Variants in NUP93 observed in about 807,000 individuals in gnomAD.
NUP93 encodes nuclear pore complex protein Nup93.
In NUP93, 55 loss-of-function variants were observed where a neutral mutation model predicts 107.8. The observed-to-expected ratio is 0.51, with a 90% CI of 0.41 to 0.64. NUP93 has a LOEUF of 0.64. NUP93 is among the 30% of genes least tolerant of loss of function. The pLI, the probability that NUP93 is intolerant of heterozygous loss-of-function variation, is 0.00. For synonymous variants in NUP93, 390 were observed against 397.5 expected (o/e 0.98, Z 0.22); for missense variants, 937 against 1,044.7 (o/e 0.90, Z 1.42).
rs1963862942 is a variant in NUP93 at position 56,834,201 on chromosome 16, G to T, written c.1611G>T (p.Arg537=). ...TGCGGCTCCTCATGCTGTACACCCGGAAGTTTGAGTCCACGGACCCAAGGG... is the reference window on the plus strand; with the variant it reads ...TGCGGCTCCTCATGCTGTACACCCGTAAGTTTGAGTCCACGGACCCAAGGG... The part of the protein sequence containing the change: ...NFVRLLMLYT[R]KFESTDPREA... The change falls in exon 14 of 22, where the codon CGG becomes CGT. Residue 537 remains arginine (R), a synonymous_variant. Transcript: ENST00000308159. 1 of 1,614,154 alleles carries T rather than the reference G, an allele frequency of 6.2e-7. No individual in the cohort carries two copies. Among genetic ancestry groups the T allele is most frequent in the South Asian group, 1.1e-5 (1 of 91,082 alleles).
chr16:56,807,743 C>T (rs931422288), intron 5 of NUP93, among the ~76,000 whole-genome samples: 28 of 151,982 alleles, frequency 1.8e-4, no homozygotes, highest in African/African-American at 6.5e-4. Context: ...GCAGTGTGGC[C>T]CGGGCGCGGT....
At chr16:56,833,066 G>A (rs947854966) in intron 12 of NUP93, 149 bp from the exon 13 acceptor site, 2 of 630,850 alleles carry the variant, frequency 3.2e-6, no homozygotes, top group Non-Finnish European at 5.4e-6. Flanking sequence ...TGTATTCAGG[G>A]CCCCCTTGAT....
At chr16:56,802,881 A>G (rs992822255) in intron 4 of NUP93, among the ~76,000 whole-genome samples, 4 of 152,212 alleles carry the variant, frequency 2.6e-5, no homozygotes, top group African/African-American at 9.7e-5. Context: ...TTGGAGAATA[A>G]TAGGCTGAGA....
chr16:56,820,029 G>A (rs1213816442), intron 6 of NUP93, among the ~76,000 whole-genome samples: 2 of 151,918 alleles, frequency 1.3e-5, no homozygotes, highest in African/African-American at 2.4e-5. Context: ...TCATTATATG[G>A]CTGACTCCTC....
chr16:56,737,212 A>T (rs1297540135), intron 1 of NUP93, among the ~76,000 whole-genome samples: 1 of 152,226 alleles, frequency 6.6e-6, no homozygotes, highest in African/African-American at 2.4e-5. Flanking sequence ...CGAGATCAGG[A>T]TGCCAGCATA....
chr16:56,764,161 TAGAA>T (rs1567380008), intron 3 of NUP93, among the ~76,000 whole-genome samples: 1 of 152,186 alleles, frequency 6.6e-6, no homozygotes, highest in African/African-American at 2.4e-5. Flanking sequence ...GTCTTTTAAA[TAGAA>T]AGAAGAAACT....
At chr16:56,833,027 G>C (rs576710066) in intron 12 of NUP93, among the ~76,000 whole-genome samples, 188 bp from the exon 13 acceptor site, 19 of 152,306 alleles carry the variant, frequency 1.2e-4, no homozygotes, top group African/African-American at 4.6e-4. Flanking sequence ...AGGTGGAGGA[G>C]CCAGGTCACA....
At chr16:56,771,931 A>AT (rs1178689899) in intron 3 of NUP93, among the ~76,000 whole-genome samples, 2 of 152,170 alleles carry the variant, frequency 1.3e-5, no homozygotes, top group Admixed American at 1.3e-4. Flanking sequence ...TGAAGGAAAG[A>AT]TTTTTTGGTT....
chr16:56,775,594 A>C (rs1962401948), intron 3 of NUP93, among the ~76,000 whole-genome samples: 2 of 152,216 alleles, frequency 1.3e-5, no homozygotes, highest in East Asian at 3.8e-4. Context: ...CTTACTGTTA[A>C]GTAGCATGTC....
intron 3 of NUP93, among the ~76,000 whole-genome samples, chr16:56,787,895 T>G (rs1962664329): frequency 1.3e-5 from 2 of 152,160 alleles, no homozygotes; most frequent in Admixed American, 6.5e-5. Context: ...TGACTGTGAT[T>G]AATATTTTTT....
intron 17 of NUP93, 113 bp downstream of exon 17, chr16:56,836,830 A>AT (rs1159844484): frequency 1.6e-5 from 11 of 668,948 alleles, no homozygotes; most frequent in African/African-American, 3.6e-5. Context: ...CTGCAGAGGC[A>AT]TTTGCTCTAG....
intron 5 of NUP93, 67 bp from the exon 6 acceptor site, chr16:56,818,597 G>A (rs1047786896): frequency 1.2e-4 from 146 of 1,221,962 alleles, no homozygotes; most frequent in Non-Finnish European, 8.3e-5. Flanking sequence ...TGTTTATGAT[G>A]TGATTTGATT....
chr16:56,808,038 TATATATATTTCTAAAAATATATATAA>T (rs1392701316), intron 5 of NUP93, among the ~76,000 whole-genome samples: 1 of 142,502 alleles, frequency 7.0e-6, no homozygotes, highest in African/African-American at 2.6e-5. Flanking sequence ...TATATATAAA[TATATATATTTCTAAAAATATATATAA>T]ATATATATAA....
At chr16:56,826,156 G>C (rs1963653553) in intron 8 of NUP93, among the ~76,000 whole-genome samples, 1 of 152,178 alleles carries the variant, frequency 6.6e-6, no homozygotes. Context: ...AGAGACCATA[G>C]TGGGCATCTG....
At chr16:56,764,975 G>A (rs894390419) in intron 3 of NUP93, among the ~76,000 whole-genome samples, 5 of 152,226 alleles carry the variant, frequency 3.3e-5, no homozygotes, top group South Asian at 2.1e-4. Flanking sequence ...TAGCAAATCC[G>A]AGGAAGAGAT....
chr16:56,845,358 G>A lies in NUP93; in HGVS notation c.*749G>A, dbSNP rs1964104583. 1 of 152,272 alleles carries A rather than the reference G, an allele frequency of 6.6e-6. No individual in the cohort carries two copies. Among genetic ancestry groups the A allele is most frequent in the South Asian group, 2.1e-4 (1 of 4,820 alleles). The allele number at this position is 152,272 out of a possible 1,614,324, so 9.4% of individuals were successfully genotyped here. A position where few individuals can be genotyped will look rare whatever the true frequency, so the allele number is the denominator to read the frequency against. On this transcript the variant is annotated 3_prime_UTR_variant, in exon 22 of 22. Coordinates refer to ENST00000308159, the MANE Select transcript of NUP93 (RefSeq NM_014669.5). ...CTCGGCCTTGTACACACCCCTCCTA[G>A]AAAGACGTTTAAGCCCCTATTTCCC...
Position 56,823,696 on chromosome 16 carries a change from T to G in NUP93, c.655-11T>G, listed in dbSNP as rs1483344379. ...TGCAGCATTGTCACATGCAGTTTCA[T>G]TTATGTGCAGAGCATTTCCGACATG... is the stretch of plus-strand genomic sequence containing the variant. On this transcript the variant is annotated splice_polypyrimidine_tract_variant and intron_variant, in intron 7 of 21. Transcript: ENST00000308159. The G allele has an allele frequency of 6.2e-7, 1 of 1,613,520 alleles. No homozygotes were observed. The highest frequency in any genetic ancestry group is 1.7e-5 in the Admixed American group (1 of 59,988).
intron 5 of NUP93, among the ~76,000 whole-genome samples, chr16:56,818,119 T>G (rs1256392121): frequency 2.6e-5 from 4 of 152,210 alleles, no homozygotes; most frequent in Non-Finnish European, 5.9e-5. Context: ...AGCAAATATT[T>G]ACTGAATGAA....
intron 4 of NUP93, among the ~76,000 whole-genome samples, chr16:56,802,813 T>G (rs1227855539): frequency 6.6e-6 from 1 of 152,214 alleles, no homozygotes; most frequent in Non-Finnish European, 1.5e-5. Flanking sequence ...GCCAATCTGA[T>G]TGTAAATGAA....
Sources: allele counts gnomAD v4.1 joint callset (sites outside exome capture counted in the v4.1 genomes callset), GRCh38; gene constraint gnomAD v4.1.1; transcripts MANE v1.5; gene names NCBI Gene and HGNC (gene_info 2026-07-23, HGNC 2026-07-21).